The following CIB1 variants were observed in gnomAD, a reference collection of about 807,000 sequenced individuals.
CIB1 encodes calcium and integrin binding 1, also known as calcium and integrin-binding protein 1.
A neutral mutation model predicts 25.0 loss-of-function variants in CIB1; 19 were observed. That is an observed-to-expected ratio of 0.76 (90% CI 0.53 to 1.12). The LOEUF is 1.12. CIB1 is among the 50% of genes most tolerant of loss of function. The pLI is 0.00. For missense variants in CIB1, 236 were observed against 242.6 expected (o/e 0.97, Z 0.18); for synonymous variants, 104 against 98.5 (o/e 1.06, Z -0.33).
the CIB1 span, among the ~76,000 whole-genome samples, chr15:90,256,565 CTTT>C: frequency 2.8e-4 from 11 of 39,420 alleles, no homozygotes; most frequent in African/African-American, 1.0e-3. Context: ...TTCTTTCTTT[CTTT>C]CTTTCTTTCT....
rs994867236 is a variant in CIB1, at chr15:90,230,255, C to T, written c.*229G>A. Reference sequence around the variant, plus strand: ...ATCTCATGTCACACATAGGGTCAAACTTCTAAACCTTTATTACTGATTAGT... The same window carrying T: ...ATCTCATGTCACACATAGGGTCAAATTTCTAAACCTTTATTACTGATTAGT... On this transcript the variant is annotated 3_prime_UTR_variant, in exon 7 of 7. Coordinates refer to ENST00000328649, the MANE Select transcript of CIB1 (RefSeq NM_006384.4). 7 of 593,084 alleles carry T rather than the reference C, an allele frequency of 1.2e-5. No homozygotes were observed. The highest frequency in any genetic ancestry group is 9.1e-5 in the Admixed American group (3 of 32,816). 36.7% of individuals were successfully genotyped at this position (593,084 alleles called of 1,614,324 possible).
chr15:90,246,979 T>G, the CIB1 span, among the ~76,000 whole-genome samples: 1,932 of 151,476 alleles, frequency 0.013, 46 homozygotes, highest in African/African-American at 0.043. Context: ...TTCTTTCCTT[T>G]TTTTTTTTTC....
the CIB1 span, chr15:90,265,124 A>C: frequency 8.1e-7 from 1 of 1,241,642 alleles, no homozygotes; most frequent in South Asian, 1.6e-5. Flanking sequence ...AGACACCAAG[A>C]ATTCCTCAAT....
At chr15:90,264,655 G>C in the CIB1 span, 72 of 1,503,116 alleles carry the variant, frequency 4.8e-5, no homozygotes, top group African/African-American at 9.5e-4. Context: ...GGCCACAGTT[G>C]GGAAAGAGGT....
the CIB1 span, chr15:90,255,948 T>C: frequency 9.3e-6 from 15 of 1,610,110 alleles, no homozygotes; most frequent in Non-Finnish European, 1.2e-5. Context: ...CTCTCAGAGC[T>C]CTGGTCTTGT....
the CIB1 span, chr15:90,258,659 T>C: frequency 8.4e-7 from 1 of 1,194,014 alleles, no homozygotes; most frequent in Non-Finnish European, 1.2e-6. Flanking sequence ...AGGAATATCT[T>C]AGACCCTCTA....
rs1962432298 is a variant in CIB1, at chr15:90,229,981, A to G, written c.*503T>C. The G allele has an allele frequency of 5.7e-6, 1 of 174,786 alleles. No individual in the cohort carries two copies. The highest frequency in any genetic ancestry group is 5.4e-5 in the Admixed American group (1 of 18,500). The allele number at this position is 174,786 out of a possible 1,614,324, so 10.8% of individuals were successfully genotyped here. A position where few individuals can be genotyped will look rare whatever the true frequency, so the allele number is the denominator to read the frequency against. On this transcript the variant is annotated 3_prime_UTR_variant, in exon 7 of 7. Transcript: ENST00000328649. ...TTTTTAATTCTTCAGATCATGCAGT[A>G]AAATAGACTTTACTGATGTACGGTT...
At chr15:90,256,577 C>CTTTCTTTCT in the CIB1 span, among the ~76,000 whole-genome samples, 13 of 56,854 alleles carry the variant, frequency 2.3e-4, no homozygotes, top group African/African-American at 2.6e-4. Context: ...TTCTTTCTTT[C>CTTTCTTTCT]TTTCTTTCTT....
the CIB1 span, chr15:90,251,536 G>T: frequency 6.2e-7 from 1 of 1,612,874 alleles, no homozygotes; most frequent in East Asian, 2.2e-5. Flanking sequence ...CCTGATTTAT[G>T]CTATTCCTCC....
chr15:90,231,058 T>C, intron 5 of CIB1, 36 bp from the exon 6 acceptor site: 1 of 1,612,480 alleles, frequency 6.2e-7, no homozygotes, highest in Non-Finnish European at 8.5e-7. Context: ...GAGCCCCAAC[T>C]GCTCCCTCCC....
chr15:90,246,646 C>T, the CIB1 span, among the ~76,000 whole-genome samples: 4 of 150,954 alleles, frequency 2.6e-5, no homozygotes, highest in Non-Finnish European at 4.4e-5. Flanking sequence ...AAATTAGCCC[C>T]GTGTGGTGGC....
At chr15:90,256,621 CCTTCCTTCCTTCCTTCCTTCTTT>C in the CIB1 span, among the ~76,000 whole-genome samples, 2,293 of 69,536 alleles carry the variant, frequency 0.033, 90 homozygotes, top group African/African-American at 0.12. Flanking sequence ...TTCCTTCCTT[CCTTCCTTCCTTCCTTCCTTCTTT>C]CTTTCTCCCT....
chr15:90,234,279 C>G (rs1596173965), upstream of CIB1: 1 of 184,738 alleles, frequency 5.4e-6, no homozygotes, highest in Non-Finnish European at 1.1e-5. Flanking sequence ...CGAGGTGCAT[C>G]CGCTTCGGCT....
chr15:90,250,555 C>T, the CIB1 span: 2 of 1,526,582 alleles, frequency 1.3e-6, no homozygotes, highest in Non-Finnish European at 1.8e-6. Context: ...TCCTTCAGGC[C>T]TTCTAGGGCC....
chr15:90,251,883 A>G, the CIB1 span, among the ~76,000 whole-genome samples: 1 of 149,474 alleles, frequency 6.7e-6, no homozygotes, highest in African/African-American at 2.5e-5. Context: ...GATTTTATTT[A>G]TTTATTTTTG....
the CIB1 span, chr15:90,253,286 G>C: frequency 5.0e-6 from 8 of 1,613,834 alleles, no homozygotes; most frequent in East Asian, 2.2e-5. Flanking sequence ...TGAAGGAGGT[G>C]GGGGAGGATG....
chr15:90,253,812 C>T, the CIB1 span, among the ~76,000 whole-genome samples: 1 of 152,176 alleles, frequency 6.6e-6, no homozygotes, highest in Admixed American at 6.5e-5. Flanking sequence ...CCACCGGGGT[C>T]CACAAGAATA....
In CIB1 at chr15:90,233,907, C is replaced by A; in HGVS notation, c.-22G>T. On this transcript the variant is annotated 5_prime_UTR_variant, in exon 1 of 7. Coordinates refer to ENST00000328649, the MANE Select transcript of CIB1 (RefSeq NM_006384.4). The stretch of plus-strand genomic sequence containing the variant: ...CCATCGCCCCGCCGCGCGCACAGCT[C>A]CGCCAACTCGCCTCGAGACGCAGAC... The A allele has an allele frequency of 6.9e-7, 1 of 1,456,030 alleles. No homozygotes were observed. The highest frequency in any genetic ancestry group is 9.0e-7 in the Non-Finnish European group (1 of 1,108,524). The allele number at this position is 1,456,030 out of a possible 1,614,324, so 90.2% of individuals were successfully genotyped here.
the CIB1 span, among the ~76,000 whole-genome samples, chr15:90,250,380 C>G: frequency 6.6e-6 from 1 of 152,190 alleles, no homozygotes. Context: ...CCAGTGTGAA[C>G]CTGGATGATT....
Sources: gnomAD v4.1 joint callset for allele counts (sites outside exome capture counted in the v4.1 genomes callset) on GRCh38, gnomAD v4.1.1 for gene constraint, MANE v1.5 for transcripts, NCBI Gene and HGNC (gene_info 2026-07-23, HGNC 2026-07-21) for gene names.